NLGN1: variants seen among roughly 807,000 people sequenced by gnomAD.
NLGN1 encodes the protein neuroligin-1.
In NLGN1, 12 loss-of-function variants were observed where a neutral mutation model predicts 65.5. That is an observed-to-expected ratio of 0.18 (90% confidence interval 0.12 to 0.30). The LOEUF is 0.30. NLGN1 is among the 10% of genes least tolerant of loss of function. The pLI, the probability that NLGN1 is intolerant of heterozygous loss-of-function variation, is 1.00. For missense variants in NLGN1, 750 were observed against 1,007.1 expected, an observed-to-expected ratio of 0.74 and a Z score of 3.46; for synonymous variants, 350 against 359.5, an observed-to-expected ratio of 0.97 and a Z score of 0.30.
At chr3:174,238,871 GTC>G (rs1215877017) in intron 4 of NLGN1, among the ~76,000 whole-genome samples, 1 of 152,106 alleles carries the variant, frequency 6.6e-6, no homozygotes, top group East Asian at 1.9e-4. Flanking sequence ...TCAACTGTCT[GTC>G]TCTCTCTTTC....
chr3:173,506,654 T>C (rs1271195545), intron 2 of NLGN1, among the ~76,000 whole-genome samples: 1 of 152,112 alleles, frequency 6.6e-6, no homozygotes, highest in Non-Finnish European at 1.5e-5. Flanking sequence ...TAAATACCCA[T>C]ATTACATTTA....
In NLGN1 at chr3:173,892,176, GT is replaced by G. The variant is rs1168847577; in HGVS notation, c.646+84358del. On this transcript the variant is annotated intron_variant, in intron 4 of 6. Coordinates refer to ENST00000457714, the Ensembl canonical transcript of NLGN1. Reference sequence around the variant, plus strand: ...AGAAACTTTGTCACGTATATTTAAGGTTTTTTTTTTTTTTGCATTTCCCTTA... The same window carrying G: ...AGAAACTTTGTCACGTATATTTAAGGTTTTTTTTTTTTTGCATTTCCCTTA... 5.1e-3 allele frequency among the ~76,000 whole-genome samples: 689 copies of G among 134,288 alleles called. 4 individuals are homozygous for G. The highest frequency in any genetic ancestry group is 0.048 in the East Asian group (219 of 4,542). 88.1% of individuals were successfully genotyped at this position (134,288 alleles called of 152,430 possible).
chr3:174,225,622 T>C (rs1414717901), intron 4 of NLGN1, among the ~76,000 whole-genome samples: 2 of 151,948 alleles, frequency 1.3e-5, no homozygotes, highest in African/African-American at 4.8e-5. Context: ...TCCCAGCTAC[T>C]CCGGAGCCTG....
chr3:174,157,415 C>T (rs746557466), intron 4 of NLGN1, among the ~76,000 whole-genome samples: 3 of 151,556 alleles, frequency 2.0e-5, no homozygotes, highest in Non-Finnish European at 2.9e-5. Flanking sequence ...TTATAAGTCA[C>T]TATTAAATAT....
chr3:173,746,053 A>G (rs1775313056), intron 3 of NLGN1, among the ~76,000 whole-genome samples: 1 of 152,052 alleles, frequency 6.6e-6, no homozygotes, highest in African/African-American at 2.4e-5. Context: ...AAAGGTAATT[A>G]TAAGGATTTT....
chr3:173,643,407 A>G (rs1300950295), intron 3 of NLGN1, among the ~76,000 whole-genome samples: 1 of 152,134 alleles, frequency 6.6e-6, no homozygotes, highest in Non-Finnish European at 1.5e-5. Flanking sequence ...TAATGGTAAT[A>G]AGAGCATATA....
At chr3:173,893,860 A>G (rs1579037883) in intron 4 of NLGN1, among the ~76,000 whole-genome samples, 1 of 152,260 alleles carries the variant, frequency 6.6e-6, no homozygotes. Context: ...ATGTCATCGC[A>G]AGTCTTGCAT....
chr3:173,497,343 A>G (rs988636019), intron 2 of NLGN1, among the ~76,000 whole-genome samples: 1 of 151,510 alleles, frequency 6.6e-6, no homozygotes, highest in Non-Finnish European at 1.5e-5. Context: ...AGCCAAGAGC[A>G]TGCCACTGCA....
At chr3:173,586,005 A>G (rs1747377015) in intron 2 of NLGN1, among the ~76,000 whole-genome samples, 1 of 152,196 alleles carries the variant, frequency 6.6e-6, no homozygotes, top group Admixed American at 6.5e-5. Flanking sequence ...TATTATTCTG[A>G]AGTAATTTTG....
intron 4 of NLGN1, among the ~76,000 whole-genome samples, chr3:174,124,558 C>T (rs1322530876): frequency 4.8e-5 from 7 of 145,000 alleles, no homozygotes; most frequent in East Asian, 2.0e-4. Flanking sequence ...TATATATATA[C>T]GTATATATAC....
In NLGN1 at chr3:173,560,146, C is replaced by T. The variant is rs528441577; in HGVS notation, c.-320-44133C>T. Reference sequence around the variant, plus strand: ...TTTTAGTAGAGACGGGGTTTCACCGCGGTCTCGATCTCCTGACCTCGTGAT... The same window carrying T: ...TTTTAGTAGAGACGGGGTTTCACCGTGGTCTCGATCTCCTGACCTCGTGAT... On this transcript the variant is annotated intron_variant, in intron 2 of 6. Transcript: ENST00000457714. Among the ~76,000 whole-genome samples, 211 of 151,698 alleles carry T rather than the reference C, an allele frequency of 1.4e-3. 2 individuals carry two copies. Among genetic ancestry groups the T allele is most frequent in the African/African-American group, 4.9e-3 (203 of 41,410 alleles).
intron 3 of NLGN1, among the ~76,000 whole-genome samples, chr3:173,737,503 C>T (rs1379910666): frequency 1.3e-5 from 2 of 151,996 alleles, no homozygotes; most frequent in African/African-American, 4.8e-5. Flanking sequence ...TTCTTGTAAA[C>T]AGAATCATAT....
chr3:173,857,753 A>G (rs1045545363), intron 4 of NLGN1, among the ~76,000 whole-genome samples: 1 of 145,684 alleles, frequency 6.9e-6, no homozygotes, highest in Non-Finnish European at 1.5e-5. Flanking sequence ...TTTATTCCCC[A>G]TCCCAAGGCC....
intron 2 of NLGN1, among the ~76,000 whole-genome samples, chr3:173,463,952 A>G (rs1471968179): frequency 3.9e-5 from 6 of 152,018 alleles, no homozygotes; most frequent in East Asian, 3.9e-4. Flanking sequence ...ACATTTTTCA[A>G]AATTCAAGCA....
intron 4 of NLGN1, among the ~76,000 whole-genome samples, chr3:173,955,057 G>T (rs1410749299): frequency 6.6e-6 from 1 of 152,082 alleles, no homozygotes; most frequent in Non-Finnish European, 1.5e-5. Context: ...CACAAAAGCT[G>T]CCACAGACAA....
chr3:174,192,705 T>C (rs1279784395), intron 4 of NLGN1, among the ~76,000 whole-genome samples: 1 of 152,160 alleles, frequency 6.6e-6, no homozygotes, highest in Non-Finnish European at 1.5e-5. Context: ...TATAGCATCA[T>C]GAGTTCCCCA....
At chr3:173,939,989 C>T (rs1405861776) in intron 4 of NLGN1, among the ~76,000 whole-genome samples, 10 of 148,840 alleles carry the variant, frequency 6.7e-5, no homozygotes, top group African/African-American at 9.9e-5. Flanking sequence ...AATACTAAAA[C>T]TTATGTTTCA....
chr3:173,660,255 A>G (rs1182002081), intron 3 of NLGN1, among the ~76,000 whole-genome samples: 2 of 151,926 alleles, frequency 1.3e-5, no homozygotes, highest in African/African-American at 4.8e-5. Context: ...ATTAAAGTCA[A>G]TTGACATCCA....
intron 4 of NLGN1, among the ~76,000 whole-genome samples, chr3:174,202,500 G>C (rs1734675928): frequency 6.6e-6 from 1 of 151,896 alleles, no homozygotes; most frequent in South Asian, 2.1e-4. Flanking sequence ...GAAACTCAGA[G>C]TATTTTACTC....
Sources: allele counts gnomAD v4.1 joint callset (sites outside exome capture counted in the v4.1 genomes callset), GRCh38; gene constraint gnomAD v4.1.1; transcripts MANE v1.5; gene names NCBI Gene and HGNC (gene_info 2026-07-23, HGNC 2026-07-21).